The following SUCLG2 variants were observed in gnomAD, a reference collection of about 807,000 sequenced individuals.
SUCLG2 encodes the protein succinate--CoA ligase [GDP-forming] subunit beta, mitochondrial.
Under a neutral mutation model 47.9 loss-of-function variants are expected in SUCLG2, and 42 were observed. The observed-to-expected ratio is 0.88, with a 90% CI of 0.69 to 1.14. The LOEUF is 1.14. SUCLG2 is among the 50% of genes most tolerant of loss of function. SUCLG2 has a pLI of 0.00. For missense variants in SUCLG2, 571 were observed against 525.9 expected (o/e 1.09, Z -0.84); for synonymous variants, 195 against 197.3 (o/e 0.99, Z 0.10).
intron 2 of SUCLG2, among the ~76,000 whole-genome samples, chr3:67,570,615 C>T (rs561466615): frequency 1.3e-5 from 2 of 152,256 alleles, no homozygotes; most frequent in Non-Finnish European, 2.9e-5. Flanking sequence ...GGCAATCAGG[C>T]AATTGATCAT....
At chr3:67,459,688 G>C (rs1295931017) in intron 9 of SUCLG2, among the ~76,000 whole-genome samples, 1 of 152,104 alleles carries the variant, frequency 6.6e-6, no homozygotes, top group Non-Finnish European at 1.5e-5. Context: ...TTGGATGCTA[G>C]GAACAAAGAA....
chr3:67,623,171 G>A (rs1700763981), intron 1 of SUCLG2, among the ~76,000 whole-genome samples: 1 of 152,162 alleles, frequency 6.6e-6, no homozygotes, highest in African/African-American at 2.4e-5. Context: ...GAGGGTCTGT[G>A]TTCCAAGAAT....
At chr3:67,598,493 C>T (rs1270433495) in intron 2 of SUCLG2, among the ~76,000 whole-genome samples, 1 of 152,186 alleles carries the variant, frequency 6.6e-6, no homozygotes, top group East Asian at 1.9e-4. Flanking sequence ...TGATCACCTA[C>T]ACCGAAGAGA....
chr3:67,535,184 G>C (rs919452686), intron 2 of SUCLG2, among the ~76,000 whole-genome samples: 2 of 150,988 alleles, frequency 1.3e-5, no homozygotes, highest in Admixed American at 6.6e-5. Context: ...GTCTCCCCCT[G>C]ATTTTCAAAC....
chr3:67,633,090 G>T (rs1700953802), intron 1 of SUCLG2, among the ~76,000 whole-genome samples: 1 of 152,214 alleles, frequency 6.6e-6, no homozygotes, highest in Non-Finnish European at 1.5e-5. Flanking sequence ...ATCCACAAGT[G>T]TAGGAGGATG....
intron 2 of SUCLG2, among the ~76,000 whole-genome samples, chr3:67,533,785 T>C (rs1706464233): frequency 6.6e-6 from 1 of 152,160 alleles, no homozygotes; most frequent in African/African-American, 2.4e-5. Flanking sequence ...GAATGACACA[T>C]ATTTCCTCAA....
At chr3:67,549,198 G>A (rs923523153) in intron 2 of SUCLG2, among the ~76,000 whole-genome samples, 1 of 152,100 alleles carries the variant, frequency 6.6e-6, no homozygotes, top group Non-Finnish European at 1.5e-5. Context: ...GAATTTTCCT[G>A]GAAATACTTG....
intron 1 of SUCLG2, among the ~76,000 whole-genome samples, chr3:67,643,067 A>G (rs545916357): frequency 6.6e-6 from 1 of 152,314 alleles, no homozygotes; most frequent in Admixed American, 6.5e-5. Flanking sequence ...GAACTGGAAT[A>G]AAATGAATGA....
rs376630460 is a variant in SUCLG2, at chr3:67,434,776, C to T, written c.1063-33925G>A. ...TTCATATATATGTGACTATGTATACCACATAGCAACATGAGATGCAATGAG... is the reference window on the plus strand; with the variant it reads ...TTCATATATATGTGACTATGTATACTACATAGCAACATGAGATGCAATGAG... On this transcript the variant is annotated intron_variant, in intron 9 of 10. Transcript: ENST00000307227. 2.6e-5 allele frequency among the ~76,000 whole-genome samples: 4 copies of T among 152,068 alleles called. 1 individual carries two copies. The highest frequency in any genetic ancestry group is 4.8e-5 in the African/African-American group (2 of 41,472).
chr3:67,508,382 A>G (rs968024109), intron 7 of SUCLG2, among the ~76,000 whole-genome samples: 1 of 152,200 alleles, frequency 6.6e-6, no homozygotes, highest in African/African-American at 2.4e-5. Context: ...CTAAAAAAAT[A>G]AGGTGGAGAG....
chr3:67,456,580 T>G (rs1187761123), intron 9 of SUCLG2, among the ~76,000 whole-genome samples: 1 of 152,176 alleles, frequency 6.6e-6, no homozygotes, highest in East Asian at 1.9e-4. Context: ...AACAAGGGTA[T>G]GGTAATTTCA....
intron 2 of SUCLG2, among the ~76,000 whole-genome samples, chr3:67,548,912 A>G (rs1263462791): frequency 6.6e-6 from 1 of 152,222 alleles, no homozygotes; most frequent in East Asian, 1.9e-4. Context: ...TTCCCCCATT[A>G]CCACTTCCAA....
intron 9 of SUCLG2, among the ~76,000 whole-genome samples, chr3:67,402,564 G>A (rs985981864): frequency 6.6e-6 from 1 of 152,210 alleles, no homozygotes; most frequent in Admixed American, 6.5e-5. Context: ...ATTGAGGCTT[G>A]GTACAGCAGT....
At chr3:67,571,021 A>G (rs1707593496) in intron 2 of SUCLG2, among the ~76,000 whole-genome samples, 1 of 152,140 alleles carries the variant, frequency 6.6e-6, no homozygotes. Context: ...CCATGTAGGG[A>G]TGAAACCTCA....
chr3:67,620,636 T>C (rs960641972), intron 1 of SUCLG2, among the ~76,000 whole-genome samples: 2 of 138,060 alleles, frequency 1.4e-5, no homozygotes, highest in Non-Finnish European at 3.1e-5. Flanking sequence ...GAAAGACACA[T>C]GATGAGCTGT....
intron 9 of SUCLG2, among the ~76,000 whole-genome samples, chr3:67,426,655 C>T (rs537769857): frequency 1.2e-4 from 19 of 152,254 alleles, no homozygotes; most frequent in Non-Finnish European, 2.5e-4. Flanking sequence ...GCATGCTGGG[C>T]GCAGTGGCTC....
At chr3:67,433,467 C>T (rs989956171) in intron 9 of SUCLG2, among the ~76,000 whole-genome samples, 4 of 152,070 alleles carry the variant, frequency 2.6e-5, no homozygotes, top group Non-Finnish European at 5.9e-5. Context: ...AAGGTGCGCA[C>T]GGTGGGTGTG....
chr3:67,490,395 CAT>C (rs1479281792), intron 9 of SUCLG2, among the ~76,000 whole-genome samples: 4 of 152,150 alleles, frequency 2.6e-5, no homozygotes, highest in Non-Finnish European at 5.9e-5. Context: ...GTTTCTGAAA[CAT>C]ATACCATAGA....
chr3:67,487,374 A>G (rs961743530), intron 9 of SUCLG2, among the ~76,000 whole-genome samples: 5 of 152,192 alleles, frequency 3.3e-5, no homozygotes, highest in Non-Finnish European at 4.4e-5. Context: ...TCAAGTGTAC[A>G]TACTTTATTA....
Sources: allele counts gnomAD v4.1 joint callset (sites outside exome capture counted in the v4.1 genomes callset), GRCh38; gene constraint gnomAD v4.1.1; transcripts MANE v1.5; gene names NCBI Gene and HGNC (gene_info 2026-07-23, HGNC 2026-07-21).